The following TNIK variants were observed in gnomAD, a reference collection of about 807,000 sequenced individuals.
TNIK encodes TRAF2 and NCK interacting kinase, also known as TRAF2 and NCK-interacting protein kinase.
Under a neutral mutation model 191.3 loss-of-function variants are expected in TNIK, and 49 were observed. The observed-to-expected ratio is 0.26, with a 90% CI of 0.20 to 0.32. TNIK has a LOEUF of 0.32. TNIK is among the 10% of genes least tolerant of loss of function. TNIK has a pLI of 1.00. For missense variants in TNIK, 1,155 were observed against 1,702.3 expected (o/e 0.68, Z 5.66); for synonymous variants, 594 against 600.9 (o/e 0.99, Z 0.17).
intron 2 of TNIK, among the ~76,000 whole-genome samples, chr3:171,272,711 CT>C (rs1749264974): frequency 6.6e-6 from 1 of 151,918 alleles, no homozygotes; most frequent in African/African-American, 2.4e-5. Context: ...TGTTAAATTT[CT>C]CATTCTGGTT....
At chr3:171,291,141 C>A (rs1484794725) in intron 2 of TNIK, among the ~76,000 whole-genome samples, 3 of 152,102 alleles carry the variant, frequency 2.0e-5, no homozygotes, top group Non-Finnish European at 2.9e-5. Flanking sequence ...ACCATATATT[C>A]CATTAACACA....
intron 15 of TNIK, among the ~76,000 whole-genome samples, chr3:171,137,968 C>T (rs992786983): frequency 8.4e-6 from 1 of 119,568 alleles, no homozygotes; most frequent in African/African-American, 3.1e-5. Flanking sequence ...CAAAGATATA[C>T]AAAAAAAAAA....
At chr3:171,124,260 A>G (rs1349609908) in intron 17 of TNIK, among the ~76,000 whole-genome samples, 1 of 152,230 alleles carries the variant, frequency 6.6e-6, no homozygotes, top group Non-Finnish European at 1.5e-5. Flanking sequence ...CTACTTTCTA[A>G]TTGATTTGCA....
Position 171,460,365 on chromosome 3 carries a change from T to C in TNIK, c.-302A>G, listed in dbSNP as rs1729340869. ...GTGGGTGTATTTAAATGGGACATGC[T>C]TCTTTGCTTGTGCGTGGATGGCGGC... On this transcript the variant is annotated 5_prime_UTR_variant, in exon 1 of 33. Transcript: ENST00000436636. This position sits in a 1 kb window ranked among gnomAD's most constrained non-coding sequence, Gnocchi z 6.8. 2 of 487,808 alleles carry C rather than the reference T, an allele frequency of 4.1e-6. No homozygotes were observed. Among genetic ancestry groups the C allele is most frequent in the Admixed American group, 7.1e-5 (2 of 28,050 alleles). 30.2% of individuals were successfully genotyped at this position (487,808 alleles called of 1,614,324 possible).
At chr3:171,160,927 A>T (rs1029880029) in intron 11 of TNIK, among the ~76,000 whole-genome samples, 34 of 152,230 alleles carry the variant, frequency 2.2e-4, no homozygotes, top group African/African-American at 8.0e-4. Flanking sequence ...AATACCACTT[A>T]GGTCTCTAGA....
At chr3:171,189,052 A>C (rs563328543) in intron 6 of TNIK, among the ~76,000 whole-genome samples, 5 of 152,232 alleles carry the variant, frequency 3.3e-5, no homozygotes, top group African/African-American at 1.2e-4. Context: ...CCCAGCTGAA[A>C]CTTTGTACCT....
intron 3 of TNIK, among the ~76,000 whole-genome samples, chr3:171,214,102 C>T (rs191371115): frequency 3.0e-4 from 46 of 152,046 alleles, no homozygotes; most frequent in Non-Finnish European, 4.6e-4. Context: ...CTTGATCTTA[C>T]GCAACTTTTT....
chr3:171,134,464 T>C (rs60904876), intron 15 of TNIK, among the ~76,000 whole-genome samples: 19,218 of 152,088 alleles, frequency 0.13, 1,772 homozygotes, highest in African/African-American at 0.26. Flanking sequence ...TTATTATCTG[T>C]AGAGACACGG....
intron 10 of TNIK, among the ~76,000 whole-genome samples, chr3:171,163,354 A>AT (rs1734240435): frequency 6.6e-6 from 1 of 152,238 alleles, no homozygotes; most frequent in Non-Finnish European, 1.5e-5. Flanking sequence ...ATCCCTAAAA[A>AT]GAAACTGAAA....
intron 18 of TNIK, among the ~76,000 whole-genome samples, chr3:171,117,912 G>A (rs947951396): frequency 6.6e-6 from 1 of 152,168 alleles, no homozygotes. Context: ...GGAGGTTGCA[G>A]TGAGCCACGA....
At chr3:171,376,770 A>AGATAGATAGATAGAT (rs1559993750) in intron 1 of TNIK, among the ~76,000 whole-genome samples, 25 of 151,992 alleles carry the variant, frequency 1.6e-4, no homozygotes, top group East Asian at 3.9e-4. Flanking sequence ...ATAGATAGAT[A>AGATAGATAGATAGAT]GATAGATAGA....
chr3:171,153,186 T>A (rs922120749), intron 12 of TNIK, among the ~76,000 whole-genome samples: 9 of 152,146 alleles, frequency 5.9e-5, no homozygotes, highest in African/African-American at 1.9e-4. Flanking sequence ...ATCCTTATGC[T>A]TGCATACTAA....
At position 171,297,854 on chromosome 3, in the gene TNIK, C is replaced by T. The variant is rs561595671; in HGVS notation, c.124-69633G>A. 2.6e-5 allele frequency among the ~76,000 whole-genome samples: 4 copies of T among 152,278 alleles called. No individual in the cohort carries two copies. The South Asian group carries it at 8.3e-4, about 32-fold the overall frequency. On this transcript the variant is annotated intron_variant, in intron 2 of 32. Coordinates refer to ENST00000436636, the MANE Select transcript of TNIK (RefSeq NM_015028.4). ...CAGAGAAAGAAAAAGTATATAATGA[C>T]AGTTCTAATTATTACATTCTCTTGT...
At chr3:171,082,532 T>C (rs1371468131) in intron 26 of TNIK, 138 bp from the exon 27 acceptor site, 2 of 928,704 alleles carry the variant, frequency 2.2e-6, no homozygotes, top group South Asian at 2.1e-5. Flanking sequence ...AACTAATGAA[T>C]GTAGAAGCTC....
At chr3:171,388,385 CT>C (rs1719016221) in intron 1 of TNIK, among the ~76,000 whole-genome samples, 1 of 152,174 alleles carries the variant, frequency 6.6e-6, no homozygotes, top group Non-Finnish European at 1.5e-5. Context: ...ACAAAGAACA[CT>C]TTAAAATGTA....
chr3:171,163,898 A>G (rs1734297757), intron 10 of TNIK, among the ~76,000 whole-genome samples: 1 of 152,234 alleles, frequency 6.6e-6, no homozygotes, highest in Non-Finnish European at 1.5e-5. Flanking sequence ...TATCAGGTTG[A>G]AAAAAATCAC....
intron 2 of TNIK, among the ~76,000 whole-genome samples, chr3:171,234,202 G>A (rs1743996383): frequency 6.6e-6 from 1 of 152,178 alleles, no homozygotes; most frequent in Non-Finnish European, 1.5e-5. Context: ...AGGTAGACAA[G>A]ACAACTTTAT....
In TNIK at chr3:171,325,099, A is replaced by AAAATAAAT. The variant is rs375566849; in HGVS notation, c.123+44513_123+44520dup. Reference sequence around the variant, plus strand: ...CTGGGCAACAGAGCCAGACTGTCTCAAAATAAATAAATAAATAAATAAATA... The same window carrying AAAATAAAT: ...CTGGGCAACAGAGCCAGACTGTCTCAAAATAAATAAATAAATAAATAAATAAATAAATA... On this transcript the variant is annotated intron_variant, in intron 2 of 32. Transcript: ENST00000436636. Among the ~76,000 whole-genome samples the AAAATAAAT allele has an allele frequency of 8.8e-4, 133 of 151,268 alleles. 2 individuals carry two copies. The highest frequency in any genetic ancestry group is 3.4e-3 in the Middle Eastern group (1 of 292).
chr3:171,406,462 C>T (rs1416010418), intron 1 of TNIK, among the ~76,000 whole-genome samples: 1 of 152,156 alleles, frequency 6.6e-6, no homozygotes, highest in African/African-American at 2.4e-5. Context: ...CAGGGCCTCA[C>T]ACTGTCACCC....
Sources: allele counts gnomAD v4.1 joint callset (sites outside exome capture counted in the v4.1 genomes callset), GRCh38; gene constraint gnomAD v4.1.1; non-coding constraint Gnocchi (gnomAD v3.1); transcripts MANE v1.5; gene names NCBI Gene and HGNC (gene_info 2026-07-23, HGNC 2026-07-21).